TRMT11: variants seen among roughly 807,000 people sequenced by gnomAD.
TRMT11 encodes the protein tRNA (guanine(10)-N(2))-methyltransferase TRMT11.
TRMT11 carries 53 observed loss-of-function variants against 62.8 expected under a neutral mutation model. The ratio of observed to expected loss-of-function variants is 0.84; its 90% CI spans 0.68 to 1.06. TRMT11 has a LOEUF of 1.06. Ranked by LOEUF, TRMT11 falls within the 50% of genes least tolerant of loss-of-function variation. The pLI, the probability that TRMT11 is intolerant of heterozygous loss-of-function variation, is 0.00. For missense variants in TRMT11, 556 were observed against 553.4 expected (o/e 1.00, Z -0.05); for synonymous variants, 188 against 190.3 (o/e 0.99, Z 0.10).
At chr6:126,205,898 T>TACAC (rs59880424), downstream of TRMT11, among the ~76,000 whole-genome samples, 729 of 143,064 alleles carry the variant, frequency 5.1e-3, 1 homozygote, top group Middle Eastern at 0.011. Context: ...TGTGAGAGGG[T>TACAC]ACACACACAC....
chr6:125,988,944 G>A (rs1790127273), intron 1 of TRMT11, among the ~76,000 whole-genome samples: 1 of 152,134 alleles, frequency 6.6e-6, no homozygotes, highest in South Asian at 2.1e-4. Context: ...TGTTGGTGAA[G>A]AGGATTGGAA....
intron 17 of TRMT11, among the ~76,000 whole-genome samples, chr6:126,061,226 A>C (rs1355322653): frequency 2.0e-5 from 3 of 152,220 alleles, no homozygotes; most frequent in Non-Finnish European, 4.4e-5. Context: ...ACCAAAGCAG[A>C]ATCTTTATTT....
intron 1 of TRMT11, chr6:125,986,896 A>C (rs1457494644): frequency 2.1e-6 from 1 of 465,420 alleles, no homozygotes; most frequent in Non-Finnish European, 3.8e-6. Context: ...ATGACCGGTC[A>C]TCTCACTCCC....
At chr6:126,019,261 TATA>T (rs1795454411) in intron 11 of TRMT11, among the ~76,000 whole-genome samples, 2 of 152,210 alleles carry the variant, frequency 1.3e-5, no homozygotes, top group Non-Finnish European at 2.9e-5. Flanking sequence ...GGCTCATTAA[TATA>T]ATAGATTAAT....
the TRMT11 span, among the ~76,000 whole-genome samples, chr6:126,270,540 A>T: frequency 6.6e-6 from 1 of 152,196 alleles, no homozygotes; most frequent in South Asian, 2.1e-4. Flanking sequence ...ATTTTTTAAA[A>T]ATTAGATAAA....
rs369708646 is a variant in TRMT11 at position 125,996,014 on chromosome 6, T to C, written c.186T>C (p.Asn62=). 3.3e-5 allele frequency: 54 copies of C among 1,612,374 alleles called. No homozygotes were observed. Among genetic ancestry groups the C allele is most frequent in the Non-Finnish European group, 3.6e-5 (43 of 1,178,554 alleles). ...TTCCCTCTGAAGATATTGCAAGAAA[T>C]TTGATGAAACGGACAGTGTGTGCCA... ...LSIPSEDIAR[N]LMKRTVCAKS... The change falls in exon 3 of 13, where the codon AAT becomes AAC. Residue 62 remains asparagine, a synonymous_variant. Transcript: ENST00000334379.
At chr6:126,176,668 G>C (rs1319823953), upstream of TRMT11, among the ~76,000 whole-genome samples, 2 of 152,168 alleles carry the variant, frequency 1.3e-5, no homozygotes, top group African/African-American at 4.8e-5. Flanking sequence ...CACTTGTGAT[G>C]GTCTAGCTGA....
At chr6:126,189,288 A>C (rs1778566043) in intron 1 of TRMT11, among the ~76,000 whole-genome samples, 1 of 152,170 alleles carries the variant, frequency 6.6e-6, no homozygotes, top group Non-Finnish European at 1.5e-5. Context: ...AGTTTCATTT[A>C]AAAGGTGTTC....
chr6:126,238,205 T>C, the TRMT11 span, among the ~76,000 whole-genome samples: 2 of 152,214 alleles, frequency 1.3e-5, no homozygotes, highest in East Asian at 1.9e-4. Flanking sequence ...TGTGTCTCTA[T>C]CTCCTTCAGT....
the TRMT11 span, among the ~76,000 whole-genome samples, chr6:126,241,323 G>A: frequency 1.2e-4 from 18 of 152,248 alleles, no homozygotes; most frequent in African/African-American, 2.2e-4. Context: ...GTTCCTATTC[G>A]GCCTTCTTGG....
chr6:126,062,902 C>G (rs1172898637), intron 17 of TRMT11, among the ~76,000 whole-genome samples: 1 of 152,124 alleles, frequency 6.6e-6, no homozygotes, highest in Non-Finnish European at 1.5e-5. Context: ...ATCCTATTTT[C>G]AAAATGCTTT....
At chr6:126,068,258 A>T (rs886181858) in intron 17 of TRMT11, among the ~76,000 whole-genome samples, 2 of 152,120 alleles carry the variant, frequency 1.3e-5, no homozygotes, top group African/African-American at 4.8e-5. Flanking sequence ...ATACTGTCTG[A>T]TAAGCAGAAG....
In TRMT11 at chr6:126,180,160, C is replaced by T. The variant is rs543577988; in HGVS notation, n.143+2825C>T. ...AATCATTGTATTTTTTGATCATTGA[C>T]TCGTGAGGTTATATTTTCAGAAATA... is the stretch of plus-strand genomic sequence containing the variant. On this transcript the variant is annotated intron_variant and non_coding_transcript_variant, in intron 1 of 3. Coordinates refer to the TRMT11 transcript ENST00000444229. Among the ~76,000 whole-genome samples the T allele has an allele frequency of 4.6e-5, 7 of 152,126 alleles. No homozygotes were observed. In the East Asian group the frequency reaches 1.4e-3, roughly 29 times the overall value.
chr6:126,083,460 T>G (rs1328380389), intron 17 of TRMT11, among the ~76,000 whole-genome samples: 1 of 152,166 alleles, frequency 6.6e-6, no homozygotes, highest in Non-Finnish European at 1.5e-5. Flanking sequence ...TTCAGCAAAC[T>G]TTCATTATTG....
chr6:126,214,257 G>A, the TRMT11 span, among the ~76,000 whole-genome samples: 1 of 152,004 alleles, frequency 6.6e-6, no homozygotes, highest in East Asian at 1.9e-4. Context: ...CATAGAATAT[G>A]TTTGGAAGTA....
intron 21 of TRMT11, among the ~76,000 whole-genome samples, chr6:126,144,448 C>G (rs1163016638): frequency 6.6e-6 from 1 of 152,106 alleles, no homozygotes; most frequent in Non-Finnish European, 1.5e-5. Context: ...TTTTTCTTCT[C>G]TCCTTTTTGG....
chr6:125,999,136 G>A (rs1792074036), intron 6 of TRMT11, among the ~76,000 whole-genome samples: 1 of 152,126 alleles, frequency 6.6e-6, no homozygotes, highest in South Asian at 2.1e-4. Context: ...GAAGCTGTGA[G>A]TGGAAGTTGT....
intron 1 of TRMT11, among the ~76,000 whole-genome samples, chr6:125,991,245 CAA>C (rs748622094): frequency 9.9e-5 from 13 of 131,312 alleles, no homozygotes; most frequent in Non-Finnish European, 9.9e-5. Context: ...GACTCCATCT[CAA>C]AAAAAAAAAA....
At chr6:126,057,655 A>G (rs1305737322) in intron 17 of TRMT11, among the ~76,000 whole-genome samples, 1 of 152,232 alleles carries the variant, frequency 6.6e-6, no homozygotes, top group Non-Finnish European at 1.5e-5. Flanking sequence ...GCAACCATTA[A>G]AATAGTTAAA....
Sources: allele counts gnomAD v4.1 joint callset (sites outside exome capture counted in the v4.1 genomes callset), GRCh38; gene constraint gnomAD v4.1.1; transcripts MANE v1.5; gene names NCBI Gene and HGNC (gene_info 2026-07-23, HGNC 2026-07-21).